FOXN3: variants seen among roughly 807,000 people sequenced by gnomAD.
The protein encoded by FOXN3 is forkhead box N3, also known as forkhead box protein N3.
In FOXN3, 7 loss-of-function variants were observed where a neutral mutation model predicts 38.4. The observed-to-expected ratio is 0.18, with a 90% confidence interval of 0.10 to 0.34. FOXN3 has a LOEUF of 0.34. Among genes scored for constraint, FOXN3 ranks in the 10% least tolerant of loss-of-function variants. The probability of loss-of-function intolerance (pLI) is 1.00; values close to 1 mark genes in which losing one functional copy is unlikely to be tolerated. For missense variants in FOXN3, 456 were observed against 613.4 expected, an observed-to-expected ratio of 0.74 and a Z score of 2.71; for synonymous variants, 230 against 242.2, an observed-to-expected ratio of 0.95 and a Z score of 0.47.
chr14:89,333,973 T>C (rs1342554447), intron 3 of FOXN3, among the ~76,000 whole-genome samples: 1 of 1,162 alleles, frequency 8.6e-4, no homozygotes, highest in African/African-American at 1.0e-3. Flanking sequence ...TGTGTATATA[T>C]ATATATATAT....
chr14:89,458,235 A>G (rs1892767663), intron 1 of FOXN3, among the ~76,000 whole-genome samples: 1 of 152,106 alleles, frequency 6.6e-6, no homozygotes, highest in Non-Finnish European at 1.5e-5. Flanking sequence ...AAATATCTGT[A>G]GTTTTCAGTG....
upstream of FOXN3, among the ~76,000 whole-genome samples, chr14:89,421,977 T>C (rs555901887): frequency 1.3e-5 from 2 of 152,240 alleles, no homozygotes; most frequent in South Asian, 4.1e-4. Flanking sequence ...ACTCCTAGAC[T>C]CAAACAATCC....
At chr14:89,339,644 G>A (rs975633748) in intron 3 of FOXN3, among the ~76,000 whole-genome samples, 2 of 152,210 alleles carry the variant, frequency 1.3e-5, no homozygotes, top group African/African-American at 4.8e-5. Flanking sequence ...TCGGGCAGGC[G>A]GGGAAGCCAG....
intron 3 of FOXN3, among the ~76,000 whole-genome samples, chr14:89,302,320 TG>T (rs1887241908): frequency 6.6e-6 from 1 of 152,254 alleles, no homozygotes; most frequent in African/African-American, 2.4e-5. Flanking sequence ...TATGTAACTA[TG>T]AGGGTGTGTC....
chr14:89,222,736 T>C (rs1884506295), intron 4 of FOXN3, among the ~76,000 whole-genome samples: 1 of 152,180 alleles, frequency 6.6e-6, no homozygotes, highest in Non-Finnish European at 1.5e-5. Context: ...ATGACACAAT[T>C]GATGGTTTCT....
At chr14:89,395,479 G>A (rs1891076630) in intron 2 of FOXN3, among the ~76,000 whole-genome samples, 1 of 151,944 alleles carries the variant, frequency 6.6e-6, no homozygotes, top group African/African-American at 2.4e-5. Flanking sequence ...GTAAAATGAA[G>A]CAGCACTCAC....
chr14:89,284,594 A>C (rs1033024135), intron 3 of FOXN3: 1 of 455,942 alleles, frequency 2.2e-6, no homozygotes, highest in Non-Finnish European at 4.4e-6. Flanking sequence ...TAGAAAAAGC[A>C]ATCAGACTAA....
At chr14:89,592,844 A>G (rs1014701436) in intron 1 of FOXN3, among the ~76,000 whole-genome samples, 1 of 152,200 alleles carries the variant, frequency 6.6e-6, no homozygotes, top group African/African-American at 2.4e-5. Context: ...CCCTGCACAA[A>G]AGCTGGGCCA....
At chr14:89,615,561 T>G (rs1333881559) in intron 1 of FOXN3, among the ~76,000 whole-genome samples, 2 of 152,140 alleles carry the variant, frequency 1.3e-5, no homozygotes, top group Non-Finnish European at 2.9e-5. Flanking sequence ...TGCAAGACAA[T>G]AGAGAATGAA....
At chr14:89,562,691 C>T (rs1043434136) in intron 1 of FOXN3, among the ~76,000 whole-genome samples, 2 of 152,212 alleles carry the variant, frequency 1.3e-5, no homozygotes, top group Non-Finnish European at 2.9e-5. Context: ...AAGGACATCA[C>T]ACAAACCTTG....
chr14:89,427,359 G>A (rs1197301432), intron 1 of FOXN3, among the ~76,000 whole-genome samples: 5 of 119,354 alleles, frequency 4.2e-5, no homozygotes, highest in South Asian at 2.9e-4. Context: ...AGACTAGAGT[G>A]CAGTGGTGCG....
rs539445006 is a variant in FOXN3 at position 89,175,138 on chromosome 14, A to C, written c.851+5563T>G. ...TTCCCGATGATTCTATTTTGACATG[A>C]CCTTAAGAATTAATGTTTGCTACTA... On this transcript the variant is annotated intron_variant, in intron 5 of 5. Coordinates refer to ENST00000557258, the MANE Select transcript of FOXN3 (RefSeq NM_005197.4). Among the ~76,000 whole-genome samples the C allele has an allele frequency of 3.9e-5, 6 of 152,304 alleles. No individual in the cohort carries two copies. The East Asian group carries it at 9.6e-4, about 24-fold the overall frequency.
chr14:89,453,633 G>A (rs1031545346), intron 1 of FOXN3, among the ~76,000 whole-genome samples: 1 of 149,332 alleles, frequency 6.7e-6, no homozygotes, highest in Non-Finnish European at 1.5e-5. Flanking sequence ...TACGACCATC[G>A]TGTATCCATA....
intron 3 of FOXN3, among the ~76,000 whole-genome samples, chr14:89,315,958 C>T (rs192245153): frequency 6.6e-6 from 1 of 152,288 alleles, no homozygotes; most frequent in Non-Finnish European, 1.5e-5. Flanking sequence ...ATGCTGCTTT[C>T]CCTTCTCCCA....
In FOXN3 at chr14:89,556,459, A is replaced by G. The variant is rs59182195; in HGVS notation, c.-15+62569T>C. Among the ~76,000 whole-genome samples the G allele has an allele frequency of 8.8e-4, 133 of 151,950 alleles. 3 individuals are homozygous for G. The East Asian group carries it at 0.024, about 28-fold the overall frequency. ...TCACTATGTGCCTCATCAATGTATT[A>G]ACCTATTCTCACTGGGTAGGCAGGG... On this transcript the variant is annotated intron_variant, in intron 1 of 6. Coordinates refer to the FOXN3 transcript ENST00000345097.
At chr14:89,385,664 A>C (rs1047990306) in intron 2 of FOXN3, among the ~76,000 whole-genome samples, 3 of 152,142 alleles carry the variant, frequency 2.0e-5, no homozygotes, top group African/African-American at 7.2e-5. Context: ...AAAATTAGCC[A>C]GGCATGGTGG....
At chr14:89,544,232 G>A (rs1275662959) in intron 1 of FOXN3, among the ~76,000 whole-genome samples, 4 of 151,782 alleles carry the variant, frequency 2.6e-5, no homozygotes, top group African/African-American at 7.3e-5. Flanking sequence ...TAGTAGAGAC[G>A]GGGTTTCACT....
rs777044929 is a variant in FOXN3, at chr14:89,413,742, AGG to A, written c.-14-1254_-14-1253del. ...AAGAGAAGGGGGAAGGGAAGGGAGA[AGG>A]GAAGGGAAGGAAGAAGGGAAAGAAG... On this transcript the variant is annotated intron_variant, in intron 1 of 5. Coordinates refer to ENST00000557258, the MANE Select transcript of FOXN3 (RefSeq NM_005197.4). Among the ~76,000 whole-genome samples the A allele has an allele frequency of 2.5e-3, 311 of 126,478 alleles. 1 individual carries two copies. Among genetic ancestry groups the A allele is most frequent in the South Asian group, 0.01 (29 of 2,852 alleles). 83.0% of individuals were successfully genotyped at this position (126,478 alleles called of 152,430 possible). A position where few individuals can be genotyped will look rare whatever the true frequency, so the allele number is the denominator to read the frequency against.
intron 1 of FOXN3, among the ~76,000 whole-genome samples, chr14:89,449,838 G>T (rs933076763): frequency 2.6e-5 from 4 of 152,146 alleles, no homozygotes; most frequent in African/African-American, 9.7e-5. Context: ...TAGGAAGGGG[G>T]AGCTCATGGG....
Sources: allele counts gnomAD v4.1 joint callset (sites outside exome capture counted in the v4.1 genomes callset), GRCh38; gene constraint gnomAD v4.1.1; transcripts MANE v1.5; gene names NCBI Gene and HGNC (gene_info 2026-07-23, HGNC 2026-07-21).